Variants in SH3RF3 observed in about 807,000 individuals in gnomAD.
SH3RF3 encodes the protein SH3 domain containing ring finger 3.
In SH3RF3, 29 loss-of-function variants were observed where a neutral mutation model predicts 66.3. That is an observed-to-expected ratio of 0.44 (90% CI 0.33 to 0.60). The LOEUF (loss-of-function observed/expected upper bound fraction) is 0.60. Among genes scored for constraint, SH3RF3 ranks in the 20% least tolerant of loss-of-function variants. The pLI is 0.04. For missense variants in SH3RF3, 1,194 were observed against 1,190.9 expected, an observed-to-expected ratio of 1.00 and a Z score of -0.04; for synonymous variants, 583 against 532.0, an observed-to-expected ratio of 1.10 and a Z score of -1.32.
At chr2:109,258,186 A>T (rs1423092286) in intron 1 of SH3RF3, among the ~76,000 whole-genome samples, 6 of 152,218 alleles carry the variant, frequency 3.9e-5, no homozygotes, top group African/African-American at 1.4e-4. Flanking sequence ...GAAAGAGTAA[A>T]CTTACCTTAA....
intron 3 of SH3RF3, among the ~76,000 whole-genome samples, chr2:109,391,838 GTCT>G (rs1192622020): frequency 6.6e-6 from 1 of 151,914 alleles, no homozygotes; most frequent in Non-Finnish European, 1.5e-5. Flanking sequence ...TAAAAATATG[GTCT>G]TCTTTTTTTT....
chr2:109,168,590 AGACT>A (rs1677683276), intron 1 of SH3RF3, among the ~76,000 whole-genome samples: 2 of 152,234 alleles, frequency 1.3e-5, no homozygotes, highest in African/African-American at 4.8e-5. Context: ...AATGTTGCCC[AGACT>A]GACTGATCTG....
At position 109,201,301 on chromosome 2, in the gene SH3RF3, C is replaced by T. The variant is rs1273120748; in HGVS notation, c.573+71188C>T. On this transcript the variant is annotated intron_variant, in intron 1 of 9. Transcript: ENST00000309415. ...AAGCCTTTCACAGACAGACCCCAGCCCCACTCTCCCACAGGCCTCCCTGAT... is the reference window on the plus strand; with the variant it reads ...AAGCCTTTCACAGACAGACCCCAGCTCCACTCTCCCACAGGCCTCCCTGAT... 2.6e-5 allele frequency among the ~76,000 whole-genome samples: 4 copies of T among 152,208 alleles called. No homozygotes were observed. In the East Asian group the frequency reaches 7.7e-4, roughly 29 times the overall value.
At chr2:109,494,226 T>C (rs542629759) in intron 9 of SH3RF3, among the ~76,000 whole-genome samples, 2 of 152,312 alleles carry the variant, frequency 1.3e-5, no homozygotes, top group South Asian at 4.1e-4. Context: ...AATTAGAAAA[T>C]TCAGAGACTC....
At chr2:109,479,359 T>G (rs1394724095) in intron 8 of SH3RF3, among the ~76,000 whole-genome samples, 1 of 152,160 alleles carries the variant, frequency 6.6e-6, no homozygotes, top group African/African-American at 2.4e-5. Context: ...GTGGCTGTAT[T>G]TAGAAAATAC....
chr2:109,153,574 G>A (rs147012399), intron 1 of SH3RF3, among the ~76,000 whole-genome samples: 1 of 152,346 alleles, frequency 6.6e-6, no homozygotes, highest in Non-Finnish European at 1.5e-5. Context: ...TGCCCCAGGA[G>A]GTGGGCCCGA....
intron 6 of SH3RF3, among the ~76,000 whole-genome samples, chr2:109,434,775 G>A (rs751525443): frequency 2.0e-5 from 3 of 152,222 alleles, no homozygotes; most frequent in Non-Finnish European, 4.4e-5. Flanking sequence ...TCCCTGGGCC[G>A]CAATAGCCAT....
chr2:109,218,022 C>T (rs1226605770), intron 1 of SH3RF3, among the ~76,000 whole-genome samples: 4 of 152,164 alleles, frequency 2.6e-5, no homozygotes, highest in Non-Finnish European at 5.9e-5. Flanking sequence ...TGGATGGAAC[C>T]AGGTGCCACA....
intron 1 of SH3RF3, among the ~76,000 whole-genome samples, chr2:109,273,233 G>C (rs1489117962): frequency 6.6e-6 from 1 of 152,222 alleles, no homozygotes; most frequent in African/African-American, 2.4e-5. Flanking sequence ...CGTCTGTTCA[G>C]TGCTGCCTGC....
chr2:109,376,618 T>A (rs1259179827), intron 3 of SH3RF3, among the ~76,000 whole-genome samples: 1 of 152,068 alleles, frequency 6.6e-6, no homozygotes, highest in Non-Finnish European at 1.5e-5. Context: ...CCAGGTAGAG[T>A]AATGGGGAGA....
chr2:109,462,139 T>C (rs539002831), intron 8 of SH3RF3, among the ~76,000 whole-genome samples: 1 of 150,240 alleles, frequency 6.7e-6, no homozygotes, highest in African/African-American at 2.5e-5. Context: ...TGCTTCTTGC[T>C]CACTAGGTCC....
At chr2:109,325,489 T>G (rs1574574830) in intron 1 of SH3RF3, among the ~76,000 whole-genome samples, 1 of 152,044 alleles carries the variant, frequency 6.6e-6, no homozygotes, top group East Asian at 1.9e-4. Context: ...TACAGGCATG[T>G]GCCACCATGT....
intron 7 of SH3RF3, among the ~76,000 whole-genome samples, chr2:109,438,429 G>T (rs1162497173): frequency 6.6e-6 from 1 of 152,186 alleles, no homozygotes; most frequent in Non-Finnish European, 1.5e-5. Context: ...TGCTGGTGGT[G>T]TACCTGTCAA....
intron 8 of SH3RF3, among the ~76,000 whole-genome samples, chr2:109,479,222 C>T (rs1308491485): frequency 6.6e-6 from 1 of 152,120 alleles, no homozygotes; most frequent in Non-Finnish European, 1.5e-5. Flanking sequence ...TCCCCTGAGC[C>T]CTGCTTGTGG....
chr2:109,347,377 C>G (rs1682734235), intron 1 of SH3RF3, among the ~76,000 whole-genome samples: 1 of 152,134 alleles, frequency 6.6e-6, no homozygotes, highest in African/African-American at 2.4e-5. Flanking sequence ...GACAAGCCAG[C>G]ACCTACTTCA....
At chr2:109,142,646 A>G (rs768189234) in intron 1 of SH3RF3, among the ~76,000 whole-genome samples, 2 of 152,212 alleles carry the variant, frequency 1.3e-5, no homozygotes, top group Non-Finnish European at 2.9e-5. Context: ...GCTTGGCTGC[A>G]TCTTGGAGCC....
At chr2:109,429,927 C>T (rs7600004) in intron 5 of SH3RF3, among the ~76,000 whole-genome samples, 3 of 147,872 alleles carry the variant, frequency 2.0e-5, no homozygotes, top group South Asian at 2.1e-4. Context: ...CCCCAGTCAG[C>T]GGGTGTAGCC....
chr2:109,139,884 A>G (rs1353678726), intron 1 of SH3RF3, among the ~76,000 whole-genome samples: 6 of 152,210 alleles, frequency 3.9e-5, no homozygotes, highest in African/African-American at 9.7e-5. Context: ...ACAGGGGTCT[A>G]CATCCAAAAG....
At chr2:109,261,631 T>G (rs1379159018) in intron 1 of SH3RF3, among the ~76,000 whole-genome samples, 2 of 152,148 alleles carry the variant, frequency 1.3e-5, no homozygotes, top group East Asian at 3.9e-4. Context: ...CAGTGTTCAT[T>G]GAGACTCTGA....
Sources: gnomAD v4.1 joint callset for allele counts (sites outside exome capture counted in the v4.1 genomes callset) on GRCh38, gnomAD v4.1.1 for gene constraint, MANE v1.5 for transcripts, NCBI Gene and HGNC (gene_info 2026-07-23, HGNC 2026-07-21) for gene names.